The following DYRK1A variants were observed in gnomAD, a reference collection of about 807,000 sequenced individuals.
The protein encoded by DYRK1A is dual specificity tyrosine phosphorylation regulated kinase 1A.
A neutral mutation model predicts 79.7 loss-of-function variants in DYRK1A; 9 were observed. The observed-to-expected ratio is 0.11, with a 90% CI of 0.07 to 0.20. The LOEUF is 0.20. Ranked by LOEUF, DYRK1A falls within the 10% of genes least tolerant of loss-of-function variation. The pLI, the probability that DYRK1A is intolerant of heterozygous loss-of-function variation, is 1.00. For missense variants in DYRK1A, 622 were observed against 956.0 expected, an observed-to-expected ratio of 0.65 and a Z score of 4.61; for synonymous variants, 349 against 329.7, an observed-to-expected ratio of 1.06 and a Z score of -0.63.
At chr21:37,404,010 A>T (rs1170252833) in intron 1 of DYRK1A, among the ~76,000 whole-genome samples, 1 of 151,908 alleles carries the variant, frequency 6.6e-6, no homozygotes, top group Non-Finnish European at 1.5e-5. Flanking sequence ...TTTGTTTTAG[A>T]CATTATTGGT....
intron 1 of DYRK1A, among the ~76,000 whole-genome samples, chr21:37,415,312 A>C (rs951741848): frequency 6.6e-6 from 1 of 152,194 alleles, no homozygotes; most frequent in African/African-American, 2.4e-5. Context: ...AATTTCAGCT[A>C]TTCCACTTCC....
At chr21:37,372,308 G>A (rs561762343) in intron 1 of DYRK1A, among the ~76,000 whole-genome samples, 1 of 151,130 alleles carries the variant, frequency 6.6e-6, no homozygotes, top group African/African-American at 2.4e-5. Context: ...AAAAAAACAG[G>A]TGTGTTAGTG....
At chr21:37,501,172 T>TTTTTTTGTTTTTTTTG (rs2053436737) in intron 9 of DYRK1A, among the ~76,000 whole-genome samples, 1 of 141,746 alleles carries the variant, frequency 7.1e-6, no homozygotes, top group Admixed American at 6.9e-5. Flanking sequence ...GTTGGTTTTT[T>TTTTTTTGTTTTTTTTG]TTTTTTTTTT....
At chr21:37,450,993 C>G (rs1003471542) in intron 2 of DYRK1A, among the ~76,000 whole-genome samples, 8 of 152,156 alleles carry the variant, frequency 5.3e-5, no homozygotes, top group African/African-American at 1.9e-4. Flanking sequence ...CTAGTGATGT[C>G]TTGCGATCCT....
chr21:37,460,991 T>A (rs988126654), intron 2 of DYRK1A, among the ~76,000 whole-genome samples: 24 of 152,190 alleles, frequency 1.6e-4, no homozygotes, highest in African/African-American at 5.8e-4. Context: ...TTACCAAAAA[T>A]AAATCCTTGG....
rs776869301 is a variant in DYRK1A at position 37,394,254 on chromosome 21, TTTA to T, written c.-76-26034_-76-26032del. On this transcript the variant is annotated intron_variant, in intron 1 of 11. Transcript: ENST00000647188. The stretch of plus-strand genomic sequence containing the variant: ...TTTTTTTTTTCTAATTTTTTTAAAT[TTTA>T]TTATTATTATGCTTTAAGTTTTAGG... Among the ~76,000 whole-genome samples the T allele has an allele frequency of 6.3e-3, 951 of 151,732 alleles. 3 individuals are homozygous for T. The highest frequency in any genetic ancestry group is 0.031 in the Middle Eastern group (9 of 288).
intron 2 of DYRK1A, among the ~76,000 whole-genome samples, chr21:37,426,082 G>A (rs2050609527): frequency 6.6e-6 from 1 of 152,168 alleles, no homozygotes; most frequent in South Asian, 2.1e-4. Context: ...CCTACACCAA[G>A]GAGACACTGC....
intron 2 of DYRK1A, among the ~76,000 whole-genome samples, chr21:37,470,459 C>T (rs751110753): frequency 4.6e-5 from 7 of 152,138 alleles, no homozygotes; most frequent in Non-Finnish European, 1.0e-4. Context: ...TCACAGGTTT[C>T]ATTCTGTGTG....
At chr21:37,366,676 G>A (rs532927937), upstream of DYRK1A, among the ~76,000 whole-genome samples, 27 of 151,936 alleles carry the variant, frequency 1.8e-4, no homozygotes, top group Admixed American at 3.9e-4. Flanking sequence ...CGTTACCTGA[G>A]CAACAGGCCC....
chr21:37,427,096 A>C lies in DYRK1A; in HGVS notation c.10+6712A>C, dbSNP rs934880056. On this transcript the variant is annotated intron_variant, in intron 2 of 11. Coordinates refer to ENST00000647188, the MANE Select transcript of DYRK1A (RefSeq NM_001347721.2). Reference sequence around the variant, plus strand: ...CAGATACTAACAATATAACTCAAGAAAATTTGTTGAAATTTGCTTTGCAGA... The same window carrying C: ...CAGATACTAACAATATAACTCAAGACAATTTGTTGAAATTTGCTTTGCAGA... Among the ~76,000 whole-genome samples, 66 of 152,272 alleles carry C rather than the reference A, an allele frequency of 4.3e-4. 1 individual carries two copies. The highest frequency in any genetic ancestry group is 1.5e-3 in the African/African-American group (61 of 41,552).
chr21:37,489,364 ATAGT>A (rs1461563579), intron 6 of DYRK1A, among the ~76,000 whole-genome samples: 2 of 152,134 alleles, frequency 1.3e-5, no homozygotes, highest in South Asian at 2.1e-4. Context: ...GTCAGTGTTA[ATAGT>A]TAAAGCACAA....
At chr21:37,384,795 C>G (rs1332332678) in intron 1 of DYRK1A, among the ~76,000 whole-genome samples, 1 of 151,956 alleles carries the variant, frequency 6.6e-6, no homozygotes, top group Non-Finnish European at 1.5e-5. Flanking sequence ...GGAAGGTATA[C>G]AAAAGACCCA....
In DYRK1A at chr21:37,501,166, G is replaced by GTTTTTTTTTTTT. The variant is rs34646709; in HGVS notation, c.1213-4105_1213-4094dup. ...TTATATGTTTTTTTTGTTGTTGTTG[G>GTTTTTTTTTTTT]TTTTTTTTTTTTTTTTTTTTTTTAA... On this transcript the variant is annotated intron_variant, in intron 9 of 11. Transcript: ENST00000647188. Among the ~76,000 whole-genome samples the GTTTTTTTTTTTT allele has an allele frequency of 1.3e-3, 118 of 93,976 alleles. 9 individuals carry two copies. Among genetic ancestry groups the GTTTTTTTTTTTT allele is most frequent in the African/African-American group, 5.1e-3 (108 of 21,360 alleles). 61.7% of individuals were successfully genotyped at this position (93,976 alleles called of 152,430 possible).
chr21:37,415,990 G>C (rs941718291), intron 1 of DYRK1A, among the ~76,000 whole-genome samples: 1 of 152,098 alleles, frequency 6.6e-6, no homozygotes, highest in African/African-American at 2.4e-5. Context: ...GGGGGTTCTT[G>C]CATCTCTGTA....
intron 1 of DYRK1A, among the ~76,000 whole-genome samples, chr21:37,379,786 T>A (rs998422286): frequency 6.6e-6 from 1 of 152,212 alleles, no homozygotes; most frequent in Non-Finnish European, 1.5e-5. Context: ...ATTCTCTTTA[T>A]TTTTTCATGT....
chr21:37,390,060 C>T (rs1375325416), intron 1 of DYRK1A, among the ~76,000 whole-genome samples: 2 of 151,272 alleles, frequency 1.3e-5, no homozygotes, highest in East Asian at 2.0e-4. Context: ...AAGTTCTAGG[C>T]TTGCAGTTGT....
chr21:37,475,534 C>G (rs1376462478), intron 3 of DYRK1A, among the ~76,000 whole-genome samples: 1 of 152,198 alleles, frequency 6.6e-6, no homozygotes, highest in Non-Finnish European at 1.5e-5. Context: ...TATGAAATCA[C>G]AATGAAAGCA....
intron 2 of DYRK1A, among the ~76,000 whole-genome samples, chr21:37,438,971 TTC>T (rs1351800368): frequency 6.6e-6 from 1 of 152,192 alleles, no homozygotes; most frequent in Non-Finnish European, 1.5e-5. Flanking sequence ...ATTTAGCCCT[TTC>T]TCTCATTTTT....
At chr21:37,444,399 A>C (rs2051199993) in intron 2 of DYRK1A, among the ~76,000 whole-genome samples, 1 of 152,200 alleles carries the variant, frequency 6.6e-6, no homozygotes, top group African/African-American at 2.4e-5. Flanking sequence ...TGAGGAATTC[A>C]TTTTGGAGAT....
Sources: gnomAD v4.1 joint callset for allele counts (sites outside exome capture counted in the v4.1 genomes callset) on GRCh38, gnomAD v4.1.1 for gene constraint, MANE v1.5 for transcripts, NCBI Gene and HGNC (gene_info 2026-07-23, HGNC 2026-07-21) for gene names.